Variants in DNM3 observed in about 807,000 individuals in gnomAD.
DNM3 encodes the protein dynamin-3.
Under a neutral mutation model 101.6 loss-of-function variants are expected in DNM3, and 47 were observed. The observed-to-expected ratio is 0.46, with a 90% CI of 0.37 to 0.59. The LOEUF (loss-of-function observed/expected upper bound fraction) is 0.59. Among genes scored for constraint, DNM3 ranks in the 20% least tolerant of loss-of-function variants. The pLI, the probability that DNM3 is intolerant of heterozygous loss-of-function variation, is 0.00. For missense variants in DNM3, 849 were observed against 1,085.7 expected, an observed-to-expected ratio of 0.78 and a Z score of 3.06; for synonymous variants, 385 against 387.9, an observed-to-expected ratio of 0.99 and a Z score of 0.09.
chr1:172,024,165 CTTTCT>C (rs143218183), intron 4 of DNM3, among the ~76,000 whole-genome samples: 5,793 of 151,886 alleles, frequency 0.038, 189 homozygotes, highest in East Asian at 0.19. Flanking sequence ...GCTTTTCCTT[CTTTCT>C]TTTCTTTTCT....
At chr1:172,334,762 A>G (rs970459172) in intron 17 of DNM3, among the ~76,000 whole-genome samples, 2 of 152,104 alleles carry the variant, frequency 1.3e-5, no homozygotes, top group African/African-American at 4.8e-5. Context: ...AACCAAACAG[A>G]TTTTCATACT....
intron 4 of DNM3, among the ~76,000 whole-genome samples, chr1:172,010,277 A>C (rs751443315): frequency 5.3e-5 from 8 of 151,802 alleles, no homozygotes; most frequent in Admixed American, 1.3e-4. Context: ...TTATCCATAC[A>C]CTTATTATTT....
chr1:172,315,782 G>A (rs186577820), intron 16 of DNM3, among the ~76,000 whole-genome samples: 12 of 152,268 alleles, frequency 7.9e-5, no homozygotes, highest in East Asian at 7.7e-4. Context: ...TGACAGTGAC[G>A]GGGAGAATGG....
chr1:172,034,982 A>C (rs2048854778), intron 6 of DNM3, among the ~76,000 whole-genome samples: 1 of 152,122 alleles, frequency 6.6e-6, no homozygotes, highest in Non-Finnish European at 1.5e-5. Flanking sequence ...TGAGTGAAAA[A>C]AGAATGTGGT....
chr1:172,070,199 A>T (rs1177936070), intron 11 of DNM3, among the ~76,000 whole-genome samples: 1 of 152,210 alleles, frequency 6.6e-6, no homozygotes, highest in African/African-American at 2.4e-5. Context: ...TAGCCAAAAG[A>T]GGAGAAAACA....
intron 15 of DNM3, among the ~76,000 whole-genome samples, chr1:172,307,148 C>T (rs184161182): frequency 3.8e-4 from 58 of 152,234 alleles, no homozygotes; most frequent in Non-Finnish European, 6.2e-4. Flanking sequence ...GGCTAATATC[C>T]AGAATCTACA....
At chr1:172,013,299 G>T (rs539243856) in intron 4 of DNM3, among the ~76,000 whole-genome samples, 2 of 151,972 alleles carry the variant, frequency 1.3e-5, no homozygotes, top group Admixed American at 6.6e-5. Context: ...GAAAATCACC[G>T]TGCTGACAAC....
chr1:172,249,406 A>G (rs1460151657), intron 14 of DNM3, among the ~76,000 whole-genome samples: 4 of 152,050 alleles, frequency 2.6e-5, no homozygotes, highest in Admixed American at 1.3e-4. Flanking sequence ...CCCTTTTTGG[A>G]CCTGATCTGT....
At chr1:171,867,853 T>C (rs2034908466) in intron 1 of DNM3, among the ~76,000 whole-genome samples, 1 of 152,140 alleles carries the variant, frequency 6.6e-6, no homozygotes, top group Admixed American at 6.5e-5. Context: ...TCATCAAAGA[T>C]GTCACACACT....
chr1:172,093,815 C>T (rs972990684), intron 13 of DNM3: 13 of 1,280,542 alleles, frequency 1.0e-5, no homozygotes, highest in Middle Eastern at 1.9e-4. Flanking sequence ...ACTCAACTAG[C>T]GCTTGCTACT....
intron 4 of DNM3, among the ~76,000 whole-genome samples, chr1:172,014,578 C>T (rs2047326717): frequency 6.6e-6 from 1 of 152,108 alleles, no homozygotes; most frequent in Admixed American, 6.5e-5. Flanking sequence ...CATAGGCTTA[C>T]TTGTCATCTG....
At chr1:172,317,308 C>G (rs1202343840) in intron 16 of DNM3, among the ~76,000 whole-genome samples, 1 of 151,330 alleles carries the variant, frequency 6.6e-6, no homozygotes, top group East Asian at 1.9e-4. Context: ...AATTGACACC[C>G]TAACATCACA....
intron 14 of DNM3, among the ~76,000 whole-genome samples, chr1:172,188,376 G>A (rs2059593070): frequency 6.6e-6 from 1 of 152,058 alleles, no homozygotes; most frequent in African/African-American, 2.4e-5. Context: ...ACCTTGCCTG[G>A]ATTTTCAACA....
At chr1:172,357,413 T>G (rs1462916462) in intron 17 of DNM3, among the ~76,000 whole-genome samples, 1 of 152,124 alleles carries the variant, frequency 6.6e-6, no homozygotes, top group Non-Finnish European at 1.5e-5. Context: ...CCTGATGTAA[T>G]GCACTGAGAA....
intron 14 of DNM3, among the ~76,000 whole-genome samples, chr1:172,203,043 G>A (rs2060205830): frequency 6.6e-6 from 1 of 152,118 alleles, no homozygotes; most frequent in Non-Finnish European, 1.5e-5. Context: ...TATAACTGGG[G>A]CTCTACTGGG....
At chr1:172,187,743 G>A (rs116560983) in intron 14 of DNM3, among the ~76,000 whole-genome samples, 1 of 152,124 alleles carries the variant, frequency 6.6e-6, no homozygotes, top group African/African-American at 2.4e-5. Flanking sequence ...TGTTACAAAT[G>A]TTAAGAAAAT....
intron 14 of DNM3, among the ~76,000 whole-genome samples, chr1:172,249,251 T>C (rs1361887397): frequency 6.6e-6 from 1 of 152,126 alleles, no homozygotes; most frequent in Non-Finnish European, 1.5e-5. Context: ...CTATCTCTCA[T>C]TGACTCTCTG....
chr1:172,327,691 A>C (rs1196792308), intron 17 of DNM3, among the ~76,000 whole-genome samples: 2 of 152,076 alleles, frequency 1.3e-5, no homozygotes, highest in African/African-American at 4.8e-5. Context: ...TTCTTAGAAA[A>C]CTTAAGCCAA....
chr1:171,897,908 A>G (rs1209063012), intron 1 of DNM3, among the ~76,000 whole-genome samples: 1 of 146,574 alleles, frequency 6.8e-6, no homozygotes, highest in Non-Finnish European at 1.5e-5. Context: ...TCAAGTTTCT[A>G]GGTCTGCGGT....
Sources: gnomAD v4.1 joint callset for allele counts (sites outside exome capture counted in the v4.1 genomes callset) on GRCh38, gnomAD v4.1.1 for gene constraint, MANE v1.5 for transcripts, NCBI Gene and HGNC (gene_info 2026-07-23, HGNC 2026-07-21) for gene names.